BRD10: variants seen among roughly 807,000 people sequenced by gnomAD.
BRD10 encodes bromodomain containing 10.
chr9:5,951,004 T>C, the BRD10 span, among the ~76,000 whole-genome samples: 3 of 150,270 alleles, frequency 2.0e-5, no homozygotes, highest in African/African-American at 7.4e-5. Flanking sequence ...AATGCACAGA[T>C]GCAGAACCTA....
the BRD10 span, among the ~76,000 whole-genome samples, chr9:5,951,685 G>A: frequency 6.6e-6 from 1 of 152,142 alleles, no homozygotes; most frequent in Admixed American, 6.5e-5. Context: ...CTTACATGTG[G>A]AAGACTCAAA....
At chr9:5,890,498 T>C in the BRD10 span, among the ~76,000 whole-genome samples, 1 of 152,138 alleles carries the variant, frequency 6.6e-6, no homozygotes, top group African/African-American at 2.4e-5. Flanking sequence ...TTTCCATCTA[T>C]GTGAAAGGGA....
chr9:5,889,255 C>T, the BRD10 span, among the ~76,000 whole-genome samples: 5 of 152,170 alleles, frequency 3.3e-5, no homozygotes, highest in African/African-American at 9.6e-5. Flanking sequence ...AATTGGGCTA[C>T]GAACTTTTGC....
the BRD10 span, among the ~76,000 whole-genome samples, chr9:5,942,898 G>A: frequency 1.3e-5 from 2 of 152,004 alleles, no homozygotes; most frequent in Non-Finnish European, 2.9e-5. Flanking sequence ...GTTTTTTTGA[G>A]TCAGGCTCTG....
At chr9:5,885,952 A>T in the BRD10 span, among the ~76,000 whole-genome samples, 1 of 152,224 alleles carries the variant, frequency 6.6e-6, no homozygotes, top group African/African-American at 2.4e-5. Context: ...TTTCAGGCAT[A>T]ACCCTGAAGT....
chr9:6,002,180 T>C, the BRD10 span, among the ~76,000 whole-genome samples: 1 of 152,240 alleles, frequency 6.6e-6, no homozygotes, highest in African/African-American at 2.4e-5. Flanking sequence ...TTTAAACCTG[T>C]TGGGGGTGGG....
the BRD10 span, among the ~76,000 whole-genome samples, chr9:5,977,002 G>T: frequency 0.017 from 2,662 of 152,306 alleles, 32 homozygotes; most frequent in Non-Finnish European, 0.028. Context: ...CCAATATAAA[G>T]ATTGGTGATA....
At chr9:5,968,472 C>T in the BRD10 span, 1 of 1,611,330 alleles carries the variant, frequency 6.2e-7, no homozygotes, top group African/African-American at 1.3e-5. Flanking sequence ...TCTAAATTTT[C>T]TTTACAACAA....
At chr9:5,996,943 G>A in the BRD10 span, among the ~76,000 whole-genome samples, 1 of 152,148 alleles carries the variant, frequency 6.6e-6, no homozygotes, top group Non-Finnish European at 1.5e-5. Context: ...TGCTAAAAAT[G>A]TAATGAGTCT....
chr9:5,954,947 G>A, the BRD10 span, among the ~76,000 whole-genome samples: 1 of 152,014 alleles, frequency 6.6e-6, no homozygotes. Flanking sequence ...AATTAGCCGG[G>A]TGTGGTGGTG....
chr9:5,979,661 T>C, the BRD10 span, among the ~76,000 whole-genome samples: 2 of 152,298 alleles, frequency 1.3e-5, no homozygotes, highest in South Asian at 2.1e-4. Context: ...TATTCCAGAT[T>C]AATAGAAATT....
chr9:5,923,531 TG>T, the BRD10 span, among the ~76,000 whole-genome samples: 3 of 152,184 alleles, frequency 2.0e-5, no homozygotes, highest in Non-Finnish European at 4.4e-5. Flanking sequence ...AACCTATTAT[TG>T]AGAAAATTTT....
the BRD10 span, chr9:5,920,583 T>C: frequency 3.1e-6 from 5 of 1,614,006 alleles, no homozygotes; most frequent in East Asian, 2.2e-5. Flanking sequence ...GTTTGAGGTT[T>C]ATTTGTGTTT....
the BRD10 span, among the ~76,000 whole-genome samples, chr9:5,954,956 T>C: frequency 2.0e-5 from 3 of 151,754 alleles, no homozygotes; most frequent in African/African-American, 7.3e-5. Context: ...GGTGTGGTGG[T>C]GCGTGCCTGT....
the BRD10 span, among the ~76,000 whole-genome samples, chr9:5,912,611 C>G: frequency 6.6e-6 from 1 of 152,176 alleles, no homozygotes; most frequent in Non-Finnish European, 1.5e-5. Flanking sequence ...GGAGAGGAGC[C>G]TTCAGGAAAG....
the BRD10 span, chr9:6,008,115 G>A: frequency 3.0e-6 from 3 of 983,878 alleles, no homozygotes; most frequent in Non-Finnish European, 3.6e-6. Flanking sequence ...TCACCGGCCA[G>A]GCCCTGCCGG....
chr9:5,882,951 T>C, the BRD10 span, among the ~76,000 whole-genome samples: 1 of 152,226 alleles, frequency 6.6e-6, no homozygotes, highest in African/African-American at 2.4e-5. Context: ...CAGGTGGGAA[T>C]TGAACAATGA....
chr9:6,005,642 A>G, the BRD10 span, among the ~76,000 whole-genome samples: 2 of 152,350 alleles, frequency 1.3e-5, no homozygotes, highest in Middle Eastern at 6.8e-3. Flanking sequence ...CACATCTGAT[A>G]GATTAGATGA....
At chr9:5,904,497 C>T in the BRD10 span, among the ~76,000 whole-genome samples, 2 of 151,998 alleles carry the variant, frequency 1.3e-5, no homozygotes, top group African/African-American at 2.4e-5. Flanking sequence ...GAGACAGAAT[C>T]TCACTCACTC....
Sources: gnomAD v4.1 joint callset for allele counts (sites outside exome capture counted in the v4.1 genomes callset) on GRCh38, gnomAD v4.1.1 for gene constraint, MANE v1.5 for transcripts, NCBI Gene and HGNC (gene_info 2026-07-23, HGNC 2026-07-21) for gene names.